Variants in DLGAP1 observed in about 807,000 individuals in gnomAD.
The protein encoded by DLGAP1 is DLG associated protein 1.
A neutral mutation model predicts 90.8 loss-of-function variants in DLGAP1; 11 were observed. That is an observed-to-expected ratio of 0.12 (90% confidence interval 0.08 to 0.20). The LOEUF (loss-of-function observed/expected upper bound fraction) is 0.20. Among genes scored for constraint, DLGAP1 ranks in the 10% least tolerant of loss-of-function variants. DLGAP1 has a pLI of 1.00. For missense variants in DLGAP1, 1,050 were observed against 1,333.8 expected (o/e 0.79, Z 3.31); for synonymous variants, 558 against 540.7 (o/e 1.03, Z -0.44).
At chr18:3,612,097 T>C (rs2057662526) in intron 7 of DLGAP1, among the ~76,000 whole-genome samples, 1 of 152,366 alleles carries the variant, frequency 6.6e-6, no homozygotes, top group African/African-American at 2.4e-5. Flanking sequence ...GGCACAGTTC[T>C]GTCGTCCCAG....
chr18:4,103,804 T>C (rs2075817729), intron 2 of DLGAP1, among the ~76,000 whole-genome samples: 1 of 152,140 alleles, frequency 6.6e-6, no homozygotes, highest in South Asian at 2.1e-4. Flanking sequence ...TTTTTCAGAA[T>C]CAAATAATAC....
chr18:4,202,009 AGACCCCT>A (rs2077617200), intron 1 of DLGAP1, among the ~76,000 whole-genome samples: 2 of 152,130 alleles, frequency 1.3e-5, no homozygotes, highest in African/African-American at 4.8e-5. Context: ...ATTATGTCAG[AGACCCCT>A]GAGCTTTTAT....
intron 2 of DLGAP1, among the ~76,000 whole-genome samples, chr18:4,061,601 G>T (rs1350201677): frequency 6.6e-6 from 1 of 152,276 alleles, no homozygotes; most frequent in African/African-American, 2.4e-5. Flanking sequence ...GTTTTACTAA[G>T]AATTGGGTTT....
chr18:4,313,265 G>A (rs191010353), intron 1 of DLGAP1, among the ~76,000 whole-genome samples: 1 of 152,242 alleles, frequency 6.6e-6, no homozygotes, highest in East Asian at 1.9e-4. Flanking sequence ...ATGTGCTATG[G>A]AATAAAGAAA....
intron 4 of DLGAP1, among the ~76,000 whole-genome samples, chr18:3,862,028 T>A (rs1287901652): frequency 1.3e-5 from 2 of 152,216 alleles, no homozygotes; most frequent in African/African-American, 4.8e-5. Flanking sequence ...ATGTTCATTT[T>A]TCAATGTGCA....
chr18:3,977,289 A>G (rs2073603241), intron 3 of DLGAP1, among the ~76,000 whole-genome samples: 1 of 151,984 alleles, frequency 6.6e-6, no homozygotes. Context: ...CCAGGCTGGT[A>G]TCGAACTCCT....
chr18:4,210,859 T>C (rs2077826263), intron 1 of DLGAP1, among the ~76,000 whole-genome samples: 1 of 152,154 alleles, frequency 6.6e-6, no homozygotes. Flanking sequence ...TTTAACCCTT[T>C]CGTTTACATG....
chr18:4,217,522 C>T (rs2077982707), intron 1 of DLGAP1, among the ~76,000 whole-genome samples: 1 of 152,034 alleles, frequency 6.6e-6, no homozygotes, highest in African/African-American at 2.4e-5. Context: ...TCCTTGCCAG[C>T]ATTTGGTACT....
intron 2 of DLGAP1, among the ~76,000 whole-genome samples, chr18:4,038,121 A>G (rs895985120): frequency 1.6e-4 from 25 of 152,226 alleles, no homozygotes; most frequent in Non-Finnish European, 2.1e-4. Context: ...ATGGCTCTAA[A>G]GAGTGATTTC....
At chr18:4,050,071 C>A (rs1377396173) in intron 2 of DLGAP1, among the ~76,000 whole-genome samples, 1 of 152,186 alleles carries the variant, frequency 6.6e-6, no homozygotes, top group Non-Finnish European at 1.5e-5. Context: ...CCTCCTCTAG[C>A]AAGGGAGACA....
intron 4 of DLGAP1, among the ~76,000 whole-genome samples, chr18:3,828,276 T>C (rs1001754590): frequency 2.6e-5 from 4 of 152,136 alleles, no homozygotes; most frequent in Non-Finnish European, 4.4e-5. Context: ...ATCCTGAAGT[T>C]TGAATGCTTT....
intron 1 of DLGAP1, among the ~76,000 whole-genome samples, chr18:4,346,880 G>A (rs1010220447): frequency 6.6e-6 from 1 of 152,020 alleles, no homozygotes; most frequent in Non-Finnish European, 1.5e-5. Flanking sequence ...AATGCTCAGA[G>A]AATCAGAAAA....
intron 1 of DLGAP1, among the ~76,000 whole-genome samples, chr18:4,272,454 A>G (rs963472594): frequency 6.6e-6 from 1 of 152,222 alleles, no homozygotes; most frequent in African/African-American, 2.4e-5. Flanking sequence ...ACTCCCTGTC[A>G]ACCATGCAGA....
At chr18:4,393,855 T>C (rs998879105) in intron 1 of DLGAP1, among the ~76,000 whole-genome samples, 1 of 152,142 alleles carries the variant, frequency 6.6e-6, no homozygotes, top group Non-Finnish European at 1.5e-5. Context: ...TCAACCTAGA[T>C]CCCTCGCATG....
At position 3,974,899 on chromosome 18, in the gene DLGAP1, A is replaced by T. The variant is rs1027639071; in HGVS notation, c.-73+30217T>A. Reference sequence around the variant, plus strand: ...ATGGATAAACCTTGAGGACATAAAAAAAAAATAAAAATAAAAATTAATCAG... The same window carrying T: ...ATGGATAAACCTTGAGGACATAAAATAAAAATAAAAATAAAAATTAATCAG... On this transcript the variant is annotated intron_variant, in intron 3 of 12. Transcript: ENST00000315677. Among the ~76,000 whole-genome samples the T allele has an allele frequency of 4.6e-5, 7 of 151,568 alleles. No homozygotes were observed. In the East Asian group the frequency reaches 5.8e-4, roughly 13 times the overall value.
chr18:4,016,707 T>G (rs1351021058), intron 2 of DLGAP1, among the ~76,000 whole-genome samples: 1 of 152,214 alleles, frequency 6.6e-6, no homozygotes, highest in Non-Finnish European at 1.5e-5. Context: ...GCTGACAAGT[T>G]TGGTAGACCA....
chr18:3,829,127 T>C (rs903912469), intron 4 of DLGAP1, among the ~76,000 whole-genome samples: 2 of 152,254 alleles, frequency 1.3e-5, no homozygotes, highest in Non-Finnish European at 2.9e-5. Flanking sequence ...CAACCTGAGT[T>C]CAAATCTGAC....
At chr18:4,249,527 A>G (rs899844260) in intron 1 of DLGAP1, among the ~76,000 whole-genome samples, 1 of 150,366 alleles carries the variant, frequency 6.7e-6, no homozygotes, top group African/African-American at 2.4e-5. Context: ...CAACACTTTT[A>G]CTCTATAGAA....
intron 7 of DLGAP1, among the ~76,000 whole-genome samples, chr18:3,694,581 T>C (rs1244995964): frequency 6.6e-6 from 1 of 152,242 alleles, no homozygotes; most frequent in East Asian, 1.9e-4. Flanking sequence ...CCATTGTAAC[T>C]GGCATGAGAT....
Sources: gnomAD v4.1 joint callset for allele counts (sites outside exome capture counted in the v4.1 genomes callset) on GRCh38, gnomAD v4.1.1 for gene constraint, MANE v1.5 for transcripts, NCBI Gene and HGNC (gene_info 2026-07-23, HGNC 2026-07-21) for gene names.